The following COL22A1 variants were observed in gnomAD, a reference collection of about 807,000 sequenced individuals.
COL22A1 encodes the protein collagen type XXII alpha 1 chain, also known as collagen alpha-1(XXII) chain.
COL22A1 carries 221 observed loss-of-function variants against 248.9 expected under a neutral mutation model. That is an observed-to-expected ratio of 0.89 (90% CI 0.80 to 0.99). COL22A1 has a LOEUF of 0.99. COL22A1 is among the 50% of genes least tolerant of loss of function. The probability of loss-of-function intolerance (pLI) is 0.00; values close to 1 mark genes in which losing one functional copy is unlikely to be tolerated. For synonymous variants in COL22A1, 891 were observed against 793.4 expected, an observed-to-expected ratio of 1.12 and a Z score of -2.07; for missense variants, 2,240 against 2,179.0, an observed-to-expected ratio of 1.03 and a Z score of -0.56.
intron 56 of COL22A1, among the ~76,000 whole-genome samples, chr8:138,610,906 T>G (rs898379191): frequency 6.6e-6 from 1 of 151,988 alleles, no homozygotes; most frequent in Non-Finnish European, 1.5e-5. Flanking sequence ...TCTACAAACA[T>G]TTTTTTTAAA....
intron 1 of COL22A1, among the ~76,000 whole-genome samples, chr8:138,911,233 TTA>T (rs1815430627): frequency 6.6e-6 from 1 of 152,214 alleles, no homozygotes; most frequent in South Asian, 2.1e-4. Context: ...ACTCATCCTT[TTA>T]GCTGGACCCT....
chr8:138,651,296 A>C lies in COL22A1; in HGVS notation c.3334-1518T>G, dbSNP rs1822712597. 2.0e-5 allele frequency among the ~76,000 whole-genome samples: 3 copies of C among 152,238 alleles called. No individual in the cohort carries two copies. In the South Asian group the frequency reaches 6.2e-4, roughly 32 times the overall value. On this transcript the variant is annotated intron_variant, in intron 45 of 64. Transcript: ENST00000303045. Reference sequence around the variant, plus strand: ...ATTCCATCCTCTCTCCACCAGGCAAACAGAAGGTGTAAGCACTCAGAGGAC... The same window carrying C: ...ATTCCATCCTCTCTCCACCAGGCAACCAGAAGGTGTAAGCACTCAGAGGAC...
At chr8:138,909,954 G>A (rs1815328364) in intron 1 of COL22A1, among the ~76,000 whole-genome samples, 1 of 152,184 alleles carries the variant, frequency 6.6e-6, no homozygotes. Flanking sequence ...ATACATCATT[G>A]CCAAATGGGG....
At chr8:138,869,260 A>T (rs1823134996) in intron 3 of COL22A1, among the ~76,000 whole-genome samples, 1 of 152,200 alleles carries the variant, frequency 6.6e-6, no homozygotes, top group African/African-American at 2.4e-5. Context: ...AGCTCAGTAT[A>T]AGAAAGTCTC....
rs753766534 is a variant in COL22A1 at position 138,715,749 on chromosome 8, TA to T, written c.2464-15del. 48 of 1,598,558 alleles carry T rather than the reference TA, an allele frequency of 3.0e-5. No individual in the cohort carries two copies. The African/African-American group carries it at 6.2e-4, about 21-fold the overall frequency. On this transcript the variant is annotated splice_polypyrimidine_tract_variant and intron_variant, in intron 29 of 64. Transcript: ENST00000303045. ...ACCTTTTTCTCCCTATAATAAAAGA[TA>T]AAATTAGAAAACATTAGAACCCAAA...
chr8:138,624,651 C>T (rs767326733), intron 51 of COL22A1, among the ~76,000 whole-genome samples: 5 of 152,276 alleles, frequency 3.3e-5, no homozygotes, highest in South Asian at 2.1e-4. Context: ...TAAATCAGTA[C>T]GTATTTCCTA....
intron 12 of COL22A1, among the ~76,000 whole-genome samples, chr8:138,786,917 A>C (rs1815580149): frequency 6.6e-6 from 1 of 152,214 alleles, no homozygotes; most frequent in South Asian, 2.1e-4. Flanking sequence ...ATCCCAAAAA[A>C]AGAAAAAGAA....
At chr8:138,823,691 C>A (rs1282788149) in intron 6 of COL22A1, among the ~76,000 whole-genome samples, 3 of 152,240 alleles carry the variant, frequency 2.0e-5, no homozygotes, top group African/African-American at 7.2e-5. Context: ...CAGGCATGAG[C>A]CACTGTGCCC....
chr8:138,661,475 G>A (rs1208416431), intron 43 of COL22A1, among the ~76,000 whole-genome samples: 1 of 152,178 alleles, frequency 6.6e-6, no homozygotes, highest in Non-Finnish European at 1.5e-5. Flanking sequence ...CTATGTGCCT[G>A]GCACGCTGCT....
chr8:138,740,853 A>G (rs1831502222), intron 22 of COL22A1, among the ~76,000 whole-genome samples: 1 of 151,812 alleles, frequency 6.6e-6, no homozygotes, highest in South Asian at 2.1e-4. Flanking sequence ...TACCTTCCGC[A>G]CCCCCAGCAT....
Position 138,608,101 on chromosome 8 carries a change from T to C in COL22A1, c.3979-112A>G, listed in dbSNP as rs1587660616. On this transcript the variant is annotated intron_variant, in intron 56 of 64. Coordinates refer to ENST00000303045, the MANE Select transcript of COL22A1 (RefSeq NM_152888.3). ...TGGTTTTACACAGAATCTGTTACTC[T>C]AGCCAGTGTGGCTCTCAGTCTACCA... 3 of 856,172 alleles carry C rather than the reference T, an allele frequency of 3.5e-6. No individual in the cohort carries two copies. In the East Asian group the frequency reaches 8.0e-5, roughly 23 times the overall value. 53.0% of individuals were successfully genotyped at this position (856,172 alleles called of 1,614,324 possible).
At chr8:138,668,986 C>G (rs912490275) in intron 41 of COL22A1, among the ~76,000 whole-genome samples, 1 of 152,142 alleles carries the variant, frequency 6.6e-6, no homozygotes, top group Non-Finnish European at 1.5e-5. Context: ...GAGAACACTA[C>G]GCAAAGAGGA....
intron 1 of COL22A1, among the ~76,000 whole-genome samples, chr8:138,906,142 G>A (rs1029754351): frequency 4.6e-5 from 7 of 152,138 alleles, no homozygotes; most frequent in Non-Finnish European, 7.4e-5. Flanking sequence ...AGGCCGAGGC[G>A]GGCGGGTCAC....
chr8:138,718,549 G>A lies in COL22A1; in HGVS notation c.2356-1680C>T, dbSNP rs138193216. On this transcript the variant is annotated intron_variant, in intron 27 of 64. Coordinates refer to ENST00000303045, the MANE Select transcript of COL22A1 (RefSeq NM_152888.3). ...AAATGTCAATGCCTCTGCTCATCCC[G>A]CAGACAGCTTTACCCTCTAAGTGGA... 2.3e-3 allele frequency among the ~76,000 whole-genome samples: 350 copies of A among 152,262 alleles called. 1 individual carries two copies. The highest frequency in any genetic ancestry group is 8.1e-3 in the African/African-American group (336 of 41,554).
chr8:138,815,985 C>T (rs921051516), intron 7 of COL22A1, among the ~76,000 whole-genome samples: 9 of 152,304 alleles, frequency 5.9e-5, no homozygotes, highest in Non-Finnish European at 7.4e-5. Context: ...GAAACAATAA[C>T]AATACCATTC....
chr8:138,589,178 G>T lies in COL22A1; in HGVS notation c.*75C>A. ...GGAACACATGGCTGAAGTCTTTCAA[G>T]ACCTCTGGCTTCCCACTGGGCTCTG... On this transcript the variant is annotated 3_prime_UTR_variant, in exon 65 of 65. Transcript: ENST00000303045. 7.3e-7 allele frequency: 1 copy of T among 1,371,926 alleles called. No homozygotes were observed. The highest frequency in any genetic ancestry group is 1.0e-6 in the Non-Finnish European group (1 of 987,548). 85.0% of individuals were successfully genotyped at this position (1,371,926 alleles called of 1,614,324 possible).
intron 50 of COL22A1, among the ~76,000 whole-genome samples, chr8:138,629,478 C>A (rs1440650711): frequency 1.3e-5 from 2 of 152,096 alleles, no homozygotes; most frequent in Non-Finnish European, 2.9e-5. Context: ...TTTTATTCAT[C>A]CTGGGACTTC....
intron 12 of COL22A1, among the ~76,000 whole-genome samples, chr8:138,794,198 C>T (rs1179112956): frequency 6.6e-6 from 1 of 152,090 alleles, no homozygotes; most frequent in Non-Finnish European, 1.5e-5. Flanking sequence ...ACCATCCTGG[C>T]CAACATGGTG....
In COL22A1 at chr8:138,608,002, A is replaced by G. The variant is rs1325062541; in HGVS notation, c.3979-13T>C. ...ATCCATTCTTGCCCTGGTGGAAGAA[A>G]CAGAGGTAATCATCCTGCCAGGGCA... On this transcript the variant is annotated splice_polypyrimidine_tract_variant and intron_variant, in intron 56 of 64. Coordinates refer to ENST00000303045, the MANE Select transcript of COL22A1 (RefSeq NM_152888.3). 1 of 1,613,746 alleles carries G rather than the reference A, an allele frequency of 6.2e-7. No homozygotes were observed. The highest frequency in any genetic ancestry group is 1.1e-5 in the South Asian group (1 of 91,034).
Sources: gnomAD v4.1 joint callset for allele counts (sites outside exome capture counted in the v4.1 genomes callset) on GRCh38, gnomAD v4.1.1 for gene constraint, MANE v1.5 for transcripts, NCBI Gene and HGNC (gene_info 2026-07-23, HGNC 2026-07-21) for gene names.